Variants in PRKAG2 observed in about 807,000 individuals in gnomAD.
PRKAG2 encodes the protein protein kinase AMP-activated non-catalytic subunit gamma 2.
In PRKAG2, 26 loss-of-function variants were observed where a neutral mutation model predicts 69.6. The ratio of observed to expected loss-of-function variants is 0.37; its 90% CI spans 0.27 to 0.52. The LOEUF (loss-of-function observed/expected upper bound fraction) is 0.52, where lower values mean the gene tolerates loss of function less well. Ranked by LOEUF, PRKAG2 falls within the 20% of genes least tolerant of loss-of-function variation. The pLI is 0.90. For missense variants in PRKAG2, 557 were observed against 740.0 expected, an observed-to-expected ratio of 0.75 and a Z score of 2.87; for synonymous variants, 293 against 285.0, an observed-to-expected ratio of 1.03 and a Z score of -0.28.
chr7:151,814,446 T>C lies in PRKAG2; in HGVS notation c.115-27905A>G, dbSNP rs1455365093. 8.1e-7 allele frequency: 1 copy of C among 1,229,730 alleles called. No homozygotes were observed. The highest frequency in any genetic ancestry group is 1.0e-6 in the Non-Finnish European group (1 of 987,318). The allele number at this position is 1,229,730 out of a possible 1,614,324, so 76.2% of individuals were successfully genotyped here. A position where few individuals can be genotyped will look rare whatever the true frequency, so the allele number is the denominator to read the frequency against. On this transcript the variant is annotated intron_variant, in intron 1 of 15. Transcript: ENST00000287878. The surrounding 1 kb of genome is among the most constrained non-coding windows in gnomAD (Gnocchi z 4.8). ...CCCAAGGGGTCCTGGAGGTCTTCTCTTCCAGATGCTAATAAGCAGTGCAGG... is the reference window on the plus strand; with the variant it reads ...CCCAAGGGGTCCTGGAGGTCTTCTCCTCCAGATGCTAATAAGCAGTGCAGG...
chr7:151,615,426 A>G (rs947662308), intron 5 of PRKAG2, among the ~76,000 whole-genome samples: 11 of 152,250 alleles, frequency 7.2e-5, no homozygotes, highest in Admixed American at 7.2e-4. Context: ...TGGCAGGATT[A>G]AAGACTTAAA....
chr7:151,668,991 T>C (rs1831429496), intron 4 of PRKAG2, among the ~76,000 whole-genome samples: 1 of 152,220 alleles, frequency 6.6e-6, no homozygotes, highest in South Asian at 2.1e-4. Flanking sequence ...TTCAAACCAA[T>C]AGAAGATGAC....
intron 6 of PRKAG2, among the ~76,000 whole-genome samples, chr7:151,590,671 G>A (rs975862998): frequency 1.3e-5 from 2 of 152,218 alleles, no homozygotes; most frequent in African/African-American, 4.8e-5. Context: ...ACCTGTAACT[G>A]GGGACAGGTT....
chr7:151,706,553 C>T (rs1315681805), intron 3 of PRKAG2, among the ~76,000 whole-genome samples: 1 of 152,188 alleles, frequency 6.6e-6, no homozygotes, highest in Non-Finnish European at 1.5e-5. Flanking sequence ...TGCAGAAAGC[C>T]AGAGTACGAG....
At chr7:151,645,500 A>G (rs1017452892) in intron 4 of PRKAG2, among the ~76,000 whole-genome samples, 9 of 152,242 alleles carry the variant, frequency 5.9e-5, no homozygotes, top group African/African-American at 2.2e-4. Flanking sequence ...TCTGACCTAC[A>G]GAAGCTATGA....
At chr7:151,691,638 G>A (rs1033938387) in intron 3 of PRKAG2, among the ~76,000 whole-genome samples, 22 of 152,124 alleles carry the variant, frequency 1.4e-4, no homozygotes, top group Non-Finnish European at 3.1e-4. Flanking sequence ...TACTAGACCA[G>A]CTAACGTCTA....
At chr7:151,580,817 G>C (rs1214169264) in intron 6 of PRKAG2, among the ~76,000 whole-genome samples, 1 of 149,702 alleles carries the variant, frequency 6.7e-6, no homozygotes, top group Admixed American at 6.7e-5. Flanking sequence ...GGGTGGGTGC[G>C]GGGAGGAAGT....
At position 151,777,281 on chromosome 7, in the gene PRKAG2, A is replaced by G. The variant is rs2076417777; in HGVS notation, c.466+3871T>C. ...GTGCCTGCGTTCCCTCACTGTGAGCACAGTGTCTGCTGGGACCCGCTGAGA... is the reference window on the plus strand; with the variant it reads ...GTGCCTGCGTTCCCTCACTGTGAGCGCAGTGTCTGCTGGGACCCGCTGAGA... On this transcript the variant is annotated intron_variant, in intron 3 of 15. Coordinates refer to ENST00000287878, the MANE Select transcript of PRKAG2 (RefSeq NM_016203.4). The surrounding 1 kb of genome is among the most constrained non-coding windows in gnomAD (Gnocchi z 4.3). 6.6e-6 allele frequency among the ~76,000 whole-genome samples: 1 copy of G among 152,190 alleles called. No individual in the cohort carries two copies. Among genetic ancestry groups the G allele is most frequent in the African/African-American group, 2.4e-5 (1 of 41,450 alleles).
intron 4 of PRKAG2, among the ~76,000 whole-genome samples, chr7:151,663,233 C>T (rs1294876078): frequency 2.0e-5 from 3 of 152,110 alleles, no homozygotes. Flanking sequence ...GAACAAAGAC[C>T]CTTCCACCTT....
At chr7:151,628,029 A>G (rs762610012) in intron 5 of PRKAG2, among the ~76,000 whole-genome samples, 5 of 152,204 alleles carry the variant, frequency 3.3e-5, no homozygotes, top group African/African-American at 4.8e-5. Flanking sequence ...AACTGGGATG[A>G]AATAAGCGGC....
chr7:151,822,488 C>T (rs1339167521), intron 1 of PRKAG2, among the ~76,000 whole-genome samples: 1 of 152,210 alleles, frequency 6.6e-6, no homozygotes, highest in Admixed American at 6.5e-5. Context: ...AGTCTTGGGA[C>T]ATGTCTCAGA....
chr7:151,712,365 A>G (rs6945264), intron 3 of PRKAG2, among the ~76,000 whole-genome samples: 15,338 of 152,186 alleles, frequency 0.1, 1,813 homozygotes, highest in African/African-American at 0.28. Context: ...TGGCCACCGC[A>G]GGAGACTGGG....
chr7:151,602,073 G>T (rs1312074058), intron 5 of PRKAG2, among the ~76,000 whole-genome samples: 3 of 152,284 alleles, frequency 2.0e-5, no homozygotes, highest in African/African-American at 4.8e-5. Context: ...GGCACAGAGA[G>T]ATCTGGTCCG....
At chr7:151,852,095 G>A (rs549597106) in intron 1 of PRKAG2, among the ~76,000 whole-genome samples, 13 of 152,290 alleles carry the variant, frequency 8.5e-5, no homozygotes, top group South Asian at 6.2e-4. Flanking sequence ...GTGACAGGAC[G>A]GACGCACAGG....
At chr7:151,725,582 C>T (rs554192675) in intron 3 of PRKAG2, among the ~76,000 whole-genome samples, 60 of 151,486 alleles carry the variant, frequency 4.0e-4, no homozygotes, top group Non-Finnish European at 6.5e-4. Flanking sequence ...AAGAGCCAGG[C>T]TGGGTGTGGT....
chr7:151,658,156 CATAAATAA>C lies in PRKAG2; in HGVS notation c.684+17256_684+17263del, dbSNP rs763621170. ...CTGGTGACAGAGCAAGAGTCCGTCT[CATAAATAA>C]ATAAATAAATAAATAAATAAATAAA... On this transcript the variant is annotated intron_variant, in intron 4 of 15. Coordinates refer to ENST00000287878, the MANE Select transcript of PRKAG2 (RefSeq NM_016203.4). Among the ~76,000 whole-genome samples, 69 of 120,846 alleles carry C rather than the reference CATAAATAA, an allele frequency of 5.7e-4. No individual in the cohort carries two copies. In the East Asian group the frequency reaches 7.3e-3, roughly 13 times the overall value. The allele number at this position is 120,846 out of a possible 152,430, so 79.3% of individuals were successfully genotyped here. A position where few individuals can be genotyped will look rare whatever the true frequency, so the allele number is the denominator to read the frequency against.
chr7:151,602,039 G>GA (rs1175387810), intron 5 of PRKAG2, among the ~76,000 whole-genome samples: 6 of 152,238 alleles, frequency 3.9e-5, no homozygotes, highest in Non-Finnish European at 8.8e-5. Context: ...AGAAAGGCCT[G>GA]AAACAGCAAG....
intron 3 of PRKAG2, among the ~76,000 whole-genome samples, chr7:151,705,152 G>T (rs1013361373): frequency 1.3e-5 from 2 of 152,204 alleles, no homozygotes; most frequent in South Asian, 2.1e-4. Flanking sequence ...ACTTCCAGCT[G>T]CTCTGAACAG....
intron 6 of PRKAG2, among the ~76,000 whole-genome samples, chr7:151,580,454 G>A (rs1810115749): frequency 6.6e-6 from 1 of 152,182 alleles, no homozygotes; most frequent in Admixed American, 6.5e-5. Flanking sequence ...CAGAGATGTA[G>A]GTGAACATAA....
Sources: gnomAD v4.1 joint callset for allele counts (sites outside exome capture counted in the v4.1 genomes callset) on GRCh38, gnomAD v4.1.1 for gene constraint, Gnocchi (gnomAD v3.1) non-coding constraint, MANE v1.5 for transcripts, NCBI Gene and HGNC (gene_info 2026-07-23, HGNC 2026-07-21) for gene names.